Variants in CDH18 observed in about 807,000 individuals in gnomAD.
CDH18 encodes cadherin-18.
CDH18 carries 31 observed loss-of-function variants against 67.9 expected under a neutral mutation model. The observed-to-expected ratio is 0.46, with a 90% CI of 0.34 to 0.62. The LOEUF (loss-of-function observed/expected upper bound fraction) is 0.62, where lower values mean the gene tolerates loss of function less well. Among genes scored for constraint, CDH18 ranks in the 20% least tolerant of loss-of-function variants. CDH18 has a pLI of 0.01. For synonymous variants in CDH18, 362 were observed against 347.2 expected (o/e 1.04, Z -0.48); for missense variants, 890 against 975.5 (o/e 0.91, Z 1.17).
chr5:19,687,526 C>A (rs1165146776), intron 5 of CDH18, among the ~76,000 whole-genome samples: 1 of 152,156 alleles, frequency 6.6e-6, no homozygotes. Flanking sequence ...ACTTCGTTGG[C>A]ATAGGACAAG....
chr5:20,121,912 C>T (rs1187679968), intron 2 of CDH18, among the ~76,000 whole-genome samples: 1 of 152,112 alleles, frequency 6.6e-6, no homozygotes, highest in African/African-American at 2.4e-5. Flanking sequence ...GTTAAGGTCA[C>T]CACTATCATG....
rs190850429 is a variant in CDH18, at chr5:20,520,504, G to A, written c.-580+54958C>T. On this transcript the variant is annotated intron_variant, in intron 1 of 14. Coordinates refer to the CDH18 transcript ENST00000507958. ...GAGGAATCAGACTGGCCACTCTTGA[G>A]AGGAATGCTGAGAATGGGATGGATA... Among the ~76,000 whole-genome samples, 7 of 152,232 alleles carry A rather than the reference G, an allele frequency of 4.6e-5. No homozygotes were observed. In the East Asian group the frequency reaches 1.4e-3, roughly 29 times the overall value.
chr5:20,554,828 A>G (rs1757813754), intron 1 of CDH18, among the ~76,000 whole-genome samples: 1 of 152,132 alleles, frequency 6.6e-6, no homozygotes, highest in Non-Finnish European at 1.5e-5. Context: ...CAGATAAGCC[A>G]CTCTACTGTT....
At chr5:20,385,966 A>G (rs1425132205) in intron 1 of CDH18, among the ~76,000 whole-genome samples, 1 of 152,230 alleles carries the variant, frequency 6.6e-6, no homozygotes, top group Non-Finnish European at 1.5e-5. Context: ...ACTGAATTTC[A>G]TAGGTGTAGT....
At chr5:20,253,422 A>G (rs949323405) in intron 2 of CDH18, among the ~76,000 whole-genome samples, 7 of 152,208 alleles carry the variant, frequency 4.6e-5, no homozygotes, top group Non-Finnish European at 2.9e-5. Context: ...CATAATTAAA[A>G]TGATAGACAC....
intron 11 of CDH18, among the ~76,000 whole-genome samples, chr5:19,491,600 C>A (rs1741474068): frequency 6.6e-6 from 1 of 152,184 alleles, no homozygotes; most frequent in African/African-American, 2.4e-5. Context: ...CAAAAGACTT[C>A]TTTCTAACAG....
chr5:19,754,061 A>C (rs2149679163), intron 3 of CDH18, among the ~76,000 whole-genome samples: 1 of 152,300 alleles, frequency 6.6e-6, no homozygotes, highest in African/African-American at 2.4e-5. Context: ...ATAAAACAAA[A>C]TAGAACTTAA....
chr5:20,064,892 A>G (rs932970170), intron 2 of CDH18, among the ~76,000 whole-genome samples: 2 of 152,052 alleles, frequency 1.3e-5, no homozygotes, highest in African/African-American at 4.8e-5. Context: ...CACATATAAT[A>G]GAAATATTAT....
At chr5:20,559,845 T>C (rs571776779) in intron 1 of CDH18, among the ~76,000 whole-genome samples, 1 of 152,268 alleles carries the variant, frequency 6.6e-6, no homozygotes, top group South Asian at 2.1e-4. Flanking sequence ...AAAAGTTTGT[T>C]GCATGCCTTC....
intron 4 of CDH18, among the ~76,000 whole-genome samples, chr5:19,730,828 TAGA>T (rs1209660740): frequency 1.3e-5 from 2 of 150,716 alleles, no homozygotes; most frequent in African/African-American, 4.9e-5. Context: ...AGTAGCTAAG[TAGA>T]AGAACAGCAT....
intron 2 of CDH18, among the ~76,000 whole-genome samples, chr5:20,033,115 A>T (rs1483384880): frequency 6.6e-6 from 1 of 151,970 alleles, no homozygotes; most frequent in Non-Finnish European, 1.5e-5. Context: ...GGTTTTCTTT[A>T]ACCTGCAATG....
intron 1 of CDH18, among the ~76,000 whole-genome samples, chr5:20,573,202 A>G (rs1316348177): frequency 1.3e-5 from 2 of 152,116 alleles, no homozygotes; most frequent in African/African-American, 4.8e-5. Context: ...GTCCTAGTGC[A>G]AGAAGCAAAC....
intron 2 of CDH18, among the ~76,000 whole-genome samples, chr5:19,979,318 T>A (rs922319694): frequency 1.3e-5 from 2 of 152,008 alleles, no homozygotes; most frequent in Middle Eastern, 3.4e-3. Context: ...GCTGAAATAA[T>A]CTTGCAATAT....
chr5:20,458,215 T>C (rs1750978470), intron 1 of CDH18, among the ~76,000 whole-genome samples: 1 of 152,196 alleles, frequency 6.6e-6, no homozygotes, highest in Non-Finnish European at 1.5e-5. Context: ...TCTCCTGGGC[T>C]CAAGTGATAT....
At chr5:19,493,537 G>GGT (rs67879363) in intron 11 of CDH18, among the ~76,000 whole-genome samples, 12,079 of 147,908 alleles carry the variant, frequency 0.082, 566 homozygotes, top group African/African-American at 0.14. Flanking sequence ...AGGGAATTGG[G>GGT]GTGTGTGTGT....
chr5:19,566,671 C>G (rs993134783), intron 8 of CDH18, among the ~76,000 whole-genome samples: 1 of 152,052 alleles, frequency 6.6e-6, no homozygotes, highest in African/African-American at 2.4e-5. Flanking sequence ...CACCAGGTCC[C>G]TATCACAACA....
chr5:19,837,952 C>A (rs780107440), intron 3 of CDH18, among the ~76,000 whole-genome samples: 2 of 152,118 alleles, frequency 1.3e-5, no homozygotes, highest in Non-Finnish European at 2.9e-5. Flanking sequence ...ATTCCCACTT[C>A]GTTCTCAATC....
chr5:19,645,757 T>C (rs889592872), intron 5 of CDH18, among the ~76,000 whole-genome samples: 2 of 152,114 alleles, frequency 1.3e-5, no homozygotes, highest in Admixed American at 1.3e-4. Context: ...GCGACTGCCA[T>C]TAACATCTCA....
At chr5:20,320,370 C>T (rs1737890717) in intron 1 of CDH18, among the ~76,000 whole-genome samples, 2 of 152,044 alleles carry the variant, frequency 1.3e-5, no homozygotes, top group African/African-American at 2.4e-5. Context: ...AAAAGAACCA[C>T]TGAGGTGGGT....
Sources: gnomAD v4.1 joint callset for allele counts (sites outside exome capture counted in the v4.1 genomes callset) on GRCh38, gnomAD v4.1.1 for gene constraint, MANE v1.5 for transcripts, NCBI Gene and HGNC (gene_info 2026-07-23, HGNC 2026-07-21) for gene names.